Variants in CPD observed in about 807,000 individuals in gnomAD.
CPD encodes the protein metallocarboxypeptidase D.
A neutral mutation model predicts 138.3 loss-of-function variants in CPD; 69 were observed. That is an observed-to-expected ratio of 0.50 (90% CI 0.41 to 0.61). The LOEUF (loss-of-function observed/expected upper bound fraction) is 0.61. CPD is among the 20% of genes least tolerant of loss of function. The pLI, the probability that CPD is intolerant of heterozygous loss-of-function variation, is 0.00. For missense variants in CPD, 1,432 were observed against 1,733.3 expected (o/e 0.83, Z 3.09); for synonymous variants, 651 against 642.1 (o/e 1.01, Z -0.21).
intron 6 of CPD, among the ~76,000 whole-genome samples, chr17:30,425,153 T>G (rs894856436): frequency 1.3e-5 from 2 of 152,114 alleles, no homozygotes; most frequent in Admixed American, 6.5e-5. Context: ...ATAATGACAA[T>G]AGTAAGGCTC....
chr17:30,447,158 G>A (rs1305773189), intron 12 of CPD, among the ~76,000 whole-genome samples: 2 of 152,134 alleles, frequency 1.3e-5, no homozygotes, highest in Non-Finnish European at 2.9e-5. Flanking sequence ...TTCTTTTGCT[G>A]TGCAGAAGCT....
intron 11 of CPD, among the ~76,000 whole-genome samples, chr17:30,444,788 T>C (rs1187310904): frequency 6.6e-6 from 1 of 152,168 alleles, no homozygotes; most frequent in Non-Finnish European, 1.5e-5. Context: ...CCCTTCCTCC[T>C]GCTAGCTAAC....
At chr17:30,464,207 A>G (rs968402653) in intron 20 of CPD, among the ~76,000 whole-genome samples, 8 of 152,122 alleles carry the variant, frequency 5.3e-5, no homozygotes, top group African/African-American at 1.9e-4. Context: ...CCTGGGCAAC[A>G]TGGCAAAACC....
rs1396814446 is a variant in CPD, at chr17:30,457,159, AC to A, written c.3498+637del. ...ATTCCCCTCTCCCACGGCTCCTGGA[AC>A]CCCTGTCTACTTTCTGCCTCTATGA... On this transcript the variant is annotated intron_variant, in intron 17 of 20. Transcript: ENST00000225719. Among the ~76,000 whole-genome samples the A allele has an allele frequency of 2.0e-5, 3 of 152,102 alleles. No individual in the cohort carries two copies. In the East Asian group the frequency reaches 5.8e-4, roughly 29 times the overall value.
intron 13 of CPD, 77 bp from the exon 14 acceptor site, chr17:30,451,634 T>C: frequency 7.6e-7 from 1 of 1,314,568 alleles, no homozygotes; most frequent in Non-Finnish European, 1.1e-6. Flanking sequence ...TAAACAGACT[T>C]TCTGTTTGAG....
chr17:30,423,811 T>C lies in CPD; in HGVS notation c.1849+114T>C, dbSNP rs572901212. ...GAATTTCTTCCAATTTTTTTTCCTT[T>C]TAATTTATGATTGATTTTAGCTCTT... On this transcript the variant is annotated intron_variant, in intron 6 of 20. Transcript: ENST00000225719. The C allele has an allele frequency of 1.9e-4, 148 of 788,098 alleles. No individual in the cohort carries two copies. The African/African-American group carries it at 2.5e-3, about 13-fold the overall frequency. 48.8% of individuals were successfully genotyped at this position (788,098 alleles called of 1,614,324 possible).
chr17:30,453,504 G>A (rs1913217232), intron 14 of CPD, among the ~76,000 whole-genome samples: 1 of 152,156 alleles, frequency 6.6e-6, no homozygotes, highest in African/African-American at 2.4e-5. Flanking sequence ...TGGCTTTACA[G>A]GGTACAGGCT....
At chr17:30,443,115 A>G (rs945241101) in intron 10 of CPD, among the ~76,000 whole-genome samples, 6 of 152,056 alleles carry the variant, frequency 3.9e-5, no homozygotes. Flanking sequence ...CATTTTTAAC[A>G]TTTTGTTATA....
In CPD at chr17:30,456,252, A is replaced by G. The variant is rs762757052; in HGVS notation, c.3338-4A>G. 8 of 1,607,326 alleles carry G rather than the reference A, an allele frequency of 5.0e-6. No homozygotes were observed. Among genetic ancestry groups the G allele is most frequent in the African/African-American group, 2.7e-5 (2 of 74,562 alleles). On this transcript the variant is annotated splice_polypyrimidine_tract_variant and splice_region_variant and intron_variant, in intron 15 of 20. Transcript: ENST00000225719. ...CACTGACTTCTAAATTTTTCTTTCTATAGTGGAAAATAAAGAGACTCTGAA... is the reference window on the plus strand; with the variant it reads ...CACTGACTTCTAAATTTTTCTTTCTGTAGTGGAAAATAAAGAGACTCTGAA...
intron 2 of CPD, among the ~76,000 whole-genome samples, chr17:30,400,719 G>A (rs948887537): frequency 2.2e-5 from 3 of 135,582 alleles, no homozygotes; most frequent in Admixed American, 7.9e-5. Context: ...AGTGCATGGC[G>A]CGATCTCAGC....
intron 13 of CPD, 61 bp downstream of exon 13, chr17:30,449,809 G>A (rs2143484968): frequency 4.9e-6 from 7 of 1,417,788 alleles, no homozygotes; most frequent in Middle Eastern, 1.8e-4. Context: ...TAATATCAGG[G>A]CACCATTTTT....
At chr17:30,400,517 G>A (rs1911625787) in intron 2 of CPD, among the ~76,000 whole-genome samples, 1 of 152,000 alleles carries the variant, frequency 6.6e-6, no homozygotes, top group Non-Finnish European at 1.5e-5. Flanking sequence ...ATTCATTCCT[G>A]AAGTTCTAAG....
intron 2 of CPD, among the ~76,000 whole-genome samples, chr17:30,418,961 C>T (rs935658453): frequency 1.3e-5 from 2 of 152,238 alleles, no homozygotes; most frequent in Middle Eastern, 3.4e-3. Flanking sequence ...GTTTTTGGTG[C>T]GTACACTTAA....
At chr17:30,428,646 A>C (rs1357453877) in intron 7 of CPD, among the ~76,000 whole-genome samples, 1 of 152,100 alleles carries the variant, frequency 6.6e-6, no homozygotes, top group African/African-American at 2.4e-5. Context: ...TTTTTATGAA[A>C]TTTTTAGAAT....
intron 2 of CPD, among the ~76,000 whole-genome samples, chr17:30,395,160 TCAACCAGA>T (rs1183626158): frequency 6.6e-6 from 1 of 151,630 alleles, no homozygotes; most frequent in African/African-American, 2.4e-5. Context: ...AGCTAGAAGT[TCAACCAGA>T]ACATATATAT....
rs182324022 is a variant in CPD at position 30,436,289 on chromosome 17, G to C, written c.2128-2686G>C. The stretch of plus-strand genomic sequence containing the variant: ...GATCATGCCACTGCACTCCAGCTTT[G>C]GTGACAGAAGGAGACCCCAGCCCCC... On this transcript the variant is annotated intron_variant, in intron 8 of 20. Transcript: ENST00000225719. Among the ~76,000 whole-genome samples the C allele has an allele frequency of 2.6e-5, 4 of 152,134 alleles. No individual in the cohort carries two copies. The East Asian group carries it at 7.7e-4, about 29-fold the overall frequency.
intron 7 of CPD, among the ~76,000 whole-genome samples, chr17:30,428,343 C>T (rs1021467661): frequency 1.3e-5 from 2 of 152,194 alleles, no homozygotes; most frequent in Non-Finnish European, 2.9e-5. Context: ...AAAATGTTCA[C>T]TCATTTAATG....
At chr17:30,430,112 T>C (rs1411106318) in intron 7 of CPD, among the ~76,000 whole-genome samples, 1 of 152,224 alleles carries the variant, frequency 6.6e-6, no homozygotes, top group East Asian at 1.9e-4. Context: ...GAAAGCAATA[T>C]TCTTTTTCAT....
intron 2 of CPD, among the ~76,000 whole-genome samples, chr17:30,402,646 A>G (rs1029152835): frequency 6.6e-6 from 1 of 152,242 alleles, no homozygotes. Flanking sequence ...TTAGTCTGGT[A>G]ATTCCAGCAT....
Sources: gnomAD v4.1 joint callset for allele counts (sites outside exome capture counted in the v4.1 genomes callset) on GRCh38, gnomAD v4.1.1 for gene constraint, MANE v1.5 for transcripts, NCBI Gene and HGNC (gene_info 2026-07-23, HGNC 2026-07-21) for gene names.